CSMD1: variants seen among roughly 807,000 people sequenced by gnomAD.
CSMD1 encodes the protein CUB and sushi domain-containing protein 1.
A neutral mutation model predicts 417.5 loss-of-function variants in CSMD1; 213 were observed. That is an observed-to-expected ratio of 0.51 (90% CI 0.46 to 0.57). The LOEUF (loss-of-function observed/expected upper bound fraction) is 0.57, where lower values mean the gene tolerates loss of function less well. CSMD1 is among the 20% of genes least tolerant of loss of function. The pLI is 0.00. For synonymous variants in CSMD1, 2,862 were observed against 1,736.8 expected (o/e 1.65, Z -16.11); for missense variants, 6,923 against 4,529.7 (o/e 1.53, Z -15.17).
At chr8:4,583,745 C>T (rs7000037) in intron 2 of CSMD1, among the ~76,000 whole-genome samples, 1 of 149,672 alleles carries the variant, frequency 6.7e-6, no homozygotes. Flanking sequence ...CAAAACAGAC[C>T]ACTGGGCTCT....
intron 11 of CSMD1, among the ~76,000 whole-genome samples, chr8:3,473,740 G>C (rs569686789): frequency 6.6e-5 from 10 of 152,270 alleles, no homozygotes; most frequent in African/African-American, 2.4e-4. Flanking sequence ...AGCAGGGGTG[G>C]TGTCTGTATG....
intron 3 of CSMD1, among the ~76,000 whole-genome samples, chr8:4,396,285 G>C (rs565377277): frequency 2.0e-5 from 3 of 148,204 alleles, no homozygotes; most frequent in South Asian, 4.2e-4. Context: ...AATACAGTGA[G>C]ACATCATCTC....
Position 3,900,588 on chromosome 8 carries a change from T to C in CSMD1, c.818+97315A>G, listed in dbSNP as rs1238118312. On this transcript the variant is annotated intron_variant, in intron 5 of 69. Coordinates refer to ENST00000635120, the MANE Select transcript of CSMD1 (RefSeq NM_033225.6). ...GTGATACTGTAGCTGGATGACACTC[T>C]AGCTGGGTGACAGTGTAGCTGGGTG... Among the ~76,000 whole-genome samples, 4 of 149,514 alleles carry C rather than the reference T, an allele frequency of 2.7e-5. No homozygotes were observed. The South Asian group carries it at 8.5e-4, about 32-fold the overall frequency.
At chr8:3,788,281 A>T (rs13262213) in intron 5 of CSMD1, among the ~76,000 whole-genome samples, 34,330 of 152,062 alleles carry the variant, frequency 0.23, 4,007 homozygotes, top group Non-Finnish European at 0.24. Flanking sequence ...TTTCTTAAGG[A>T]ACTTTTTCAT....
At chr8:3,130,655 T>C (rs1817746054) in intron 41 of CSMD1, among the ~76,000 whole-genome samples, 2 of 151,928 alleles carry the variant, frequency 1.3e-5, no homozygotes, top group Non-Finnish European at 2.9e-5. Context: ...ATCGGGCTTC[T>C]CTCCACCCAG....
chr8:3,541,615 G>C (rs1324967283), intron 10 of CSMD1, among the ~76,000 whole-genome samples: 1 of 149,842 alleles, frequency 6.7e-6, no homozygotes, highest in African/African-American at 2.4e-5. Context: ...AATGGGTCAT[G>C]ATTTTTACAG....
At chr8:4,007,651 G>A (rs570947713) in intron 4 of CSMD1, among the ~76,000 whole-genome samples, 9 of 152,116 alleles carry the variant, frequency 5.9e-5, no homozygotes, top group South Asian at 2.1e-4. Context: ...CCTAGGAGGC[G>A]GCCTGATAGA....
intron 5 of CSMD1, among the ~76,000 whole-genome samples, chr8:3,808,054 T>C (rs1477550537): frequency 6.6e-6 from 1 of 152,158 alleles, no homozygotes; most frequent in Non-Finnish European, 1.5e-5. Flanking sequence ...TCTACAGAAG[T>C]TACAGCAGTG....
rs1412211780 is a variant in CSMD1, at chr8:3,214,683, G to A, written c.4681C>T (p.Arg1561Trp). Residue 1561 changes from arginine (R) to tryptophan (W), a missense_variant, in exon 30 of 70, where the codon CGG becomes TGG. Transcript: ENST00000635120. ...TTTCCTGGGTCAAAACAAGCTTCCC[G>A]TGGTTTCTCTGTGGAAGAAATGAAT... ...GFAIEFKEKP[R>W]EACFDPGNIM... 2 of 1,549,944 alleles carry A rather than the reference G, an allele frequency of 1.3e-6. No individual in the cohort carries two copies. Among genetic ancestry groups the A allele is most frequent in the South Asian group, 1.2e-5 (1 of 83,692 alleles).
intron 35 of CSMD1, among the ~76,000 whole-genome samples, chr8:3,188,304 C>CTTTTTTTTTTTT (rs33913660): frequency 1.1e-5 from 1 of 87,624 alleles, no homozygotes; most frequent in Admixed American, 1.9e-4. Context: ...CTTTTCCTTT[C>CTTTTTTTTTTTT]TTTTTTTTTT....
chr8:3,507,078 G>T (rs1181070770), intron 10 of CSMD1, among the ~76,000 whole-genome samples: 1 of 152,076 alleles, frequency 6.6e-6, no homozygotes, highest in East Asian at 1.9e-4. Context: ...CATGGTTACA[G>T]TTTTACAAAT....
chr8:4,033,798 T>A (rs375880311), intron 3 of CSMD1, among the ~76,000 whole-genome samples: 2 of 152,216 alleles, frequency 1.3e-5, no homozygotes, highest in South Asian at 4.1e-4. Context: ...TGATTCTCTA[T>A]CTAAATCAAT....
intron 2 of CSMD1, among the ~76,000 whole-genome samples, chr8:4,570,043 G>A (rs1322881260): frequency 6.6e-6 from 1 of 152,288 alleles, no homozygotes; most frequent in South Asian, 2.1e-4. Context: ...TTTGGACTGA[G>A]ACAATGGGGT....
At chr8:4,102,611 CA>C (rs1801362765) in intron 3 of CSMD1, among the ~76,000 whole-genome samples, 1 of 152,154 alleles carries the variant, frequency 6.6e-6, no homozygotes, top group Non-Finnish European at 1.5e-5. Flanking sequence ...CATGTCTACT[CA>C]AATGCCTCCT....
At chr8:3,503,210 G>C (rs1037703527) in intron 10 of CSMD1, among the ~76,000 whole-genome samples, 1 of 152,044 alleles carries the variant, frequency 6.6e-6, no homozygotes, top group Non-Finnish European at 1.5e-5. Context: ...ACAAAGAAAG[G>C]GAGTTAGAAA....
chr8:3,716,624 T>C (rs540251252), intron 6 of CSMD1, among the ~76,000 whole-genome samples: 9 of 152,294 alleles, frequency 5.9e-5, no homozygotes, highest in South Asian at 4.1e-4. Context: ...AAGGACTTTA[T>C]GGCCTGTGTC....
At chr8:4,537,645 G>C (rs764684604) in intron 2 of CSMD1, among the ~76,000 whole-genome samples, 4 of 152,080 alleles carry the variant, frequency 2.6e-5, no homozygotes, top group Non-Finnish European at 5.9e-5. Flanking sequence ...TTCAAATTAA[G>C]CATTGATTTG....
At chr8:3,014,886 A>C (rs1469891238) in intron 52 of CSMD1, among the ~76,000 whole-genome samples, 2 of 152,094 alleles carry the variant, frequency 1.3e-5, no homozygotes, top group Non-Finnish European at 2.9e-5. Flanking sequence ...ACTGCACTCC[A>C]GCCTGGGTAA....
chr8:4,143,946 G>T (rs762987913), intron 3 of CSMD1, among the ~76,000 whole-genome samples: 2 of 151,276 alleles, frequency 1.3e-5, no homozygotes, highest in Non-Finnish European at 2.9e-5. Flanking sequence ...TGAAGGGATG[G>T]CCAGTGCTTG....
Sources: allele counts gnomAD v4.1 joint callset (sites outside exome capture counted in the v4.1 genomes callset), GRCh38; gene constraint gnomAD v4.1.1; transcripts MANE v1.5; gene names NCBI Gene and HGNC (gene_info 2026-07-23, HGNC 2026-07-21).